Variants in SSH1 observed in about 807,000 individuals in gnomAD.
SSH1 encodes the protein slingshot protein phosphatase 1, also known as protein phosphatase Slingshot homolog 1.
Under a neutral mutation model 79.7 loss-of-function variants are expected in SSH1, and 43 were observed. The ratio of observed to expected loss-of-function variants is 0.54; its 90% CI spans 0.42 to 0.70. The LOEUF is 0.70. Among genes scored for constraint, SSH1 ranks in the 30% least tolerant of loss-of-function variants. The pLI is 0.00. For missense variants in SSH1, 1,206 were observed against 1,358.8 expected, an observed-to-expected ratio of 0.89 and a Z score of 1.77; for synonymous variants, 599 against 538.3, an observed-to-expected ratio of 1.11 and a Z score of -1.56.
At chr12:108,856,019 C>T (rs148187055) in intron 1 of SSH1, among the ~76,000 whole-genome samples, 34 of 152,342 alleles carry the variant, frequency 2.2e-4, no homozygotes, top group African/African-American at 7.7e-4. Context: ...ACACACAAAC[C>T]TCCCCCGTGT....
chr12:108,795,796 G>A (rs538733016), intron 13 of SSH1, among the ~76,000 whole-genome samples: 211 of 152,212 alleles, frequency 1.4e-3, no homozygotes, highest in Non-Finnish European at 2.2e-3. Context: ...GGAGGTTGAG[G>A]TGTCATGATC....
chr12:108,788,861 A>G lies in SSH1; in HGVS notation c.2277T>C (p.Asn759=). The change falls in exon 15 of 15, where the codon AAT becomes AAC. Residue 759 remains asparagine, a synonymous_variant. Transcript: ENST00000326495. ...KVLPKSLLLK[N]SHCDKNPPST... ...TGGGAGGGTTCTTATCACAGTGAGA[A>G]TTCTTCAAAAGGAGGGACTTTGGCA... The G allele has an allele frequency of 6.2e-7, 1 of 1,614,222 alleles. No individual in the cohort carries two copies. The highest frequency in any genetic ancestry group is 8.5e-7 in the Non-Finnish European group (1 of 1,180,040).
Position 108,803,800 on chromosome 12 carries a change from T to C in SSH1, c.954+1256A>G, listed in dbSNP as rs575844020. 5.3e-5 allele frequency among the ~76,000 whole-genome samples: 8 copies of C among 152,266 alleles called. No individual in the cohort carries two copies. The East Asian group carries it at 1.2e-3, about 22-fold the overall frequency. ...GCCCAGGACTGCCCACACTTTCAAA[T>C]CCACACATGTACATACATTTTAATC... On this transcript the variant is annotated intron_variant, in intron 10 of 14. Coordinates refer to ENST00000326495, the MANE Select transcript of SSH1 (RefSeq NM_018984.4).
In SSH1 at chr12:108,788,820, A is replaced by T. The variant is rs1291404188; in HGVS notation, c.2318T>A (p.Ile773Lys). Residue 773 changes from isoleucine to lysine, a missense_variant, in exon 15 of 15, where the codon ATA becomes AAA. Ile to Lys is a moderately radical substitution (Grantham distance 102). Coordinates refer to ENST00000326495, the MANE Select transcript of SSH1 (RefSeq NM_018984.4). ...DKNPPSTEVV[I>K]KEESSPKKDM... ...TTTCTTGGGTGACGATTCTTCCTTT[A>T]TTACCACTTCTGTGCTGGGAGGGTT... 1 of 1,614,050 alleles carries T rather than the reference A, an allele frequency of 6.2e-7. No homozygotes were observed. The highest frequency in any genetic ancestry group is 1.3e-5 in the African/African-American group (1 of 74,898).
At chr12:108,856,560 G>A (rs566238266) in intron 1 of SSH1, among the ~76,000 whole-genome samples, 2 of 152,198 alleles carry the variant, frequency 1.3e-5, no homozygotes, top group Non-Finnish European at 1.5e-5. Context: ...GCCAGACTAA[G>A]GCTGCACGCA....
At chr12:108,802,427 A>T in intron 10 of SSH1, 59 bp from the exon 11 acceptor site, 1 of 1,538,060 alleles carries the variant, frequency 6.5e-7, no homozygotes, top group Non-Finnish European at 9.0e-7. Flanking sequence ...AGAGCTGCTC[A>T]GGGGATGCAT....
Position 108,852,698 on chromosome 12 carries a change from A to C in SSH1, c.70-20T>G, listed in dbSNP as rs997732833. The C allele has an allele frequency of 6.2e-7, 1 of 1,613,964 alleles. No homozygotes were observed. The highest frequency in any genetic ancestry group is 8.5e-7 in the Non-Finnish European group (1 of 1,180,030). ...CTCCAACTACAGAGAAAGAAAGAGAATATCACACCACAGGCACCACTGTCA... is the reference window on the plus strand; with the variant it reads ...CTCCAACTACAGAGAAAGAAAGAGACTATCACACCACAGGCACCACTGTCA... On this transcript the variant is annotated intron_variant, in intron 1 of 14. Transcript: ENST00000326495.
chr12:108,810,944 G>A (rs970467044), intron 6 of SSH1, among the ~76,000 whole-genome samples: 9 of 152,246 alleles, frequency 5.9e-5, no homozygotes, highest in African/African-American at 1.9e-4. Context: ...CCCATGGAGG[G>A]CATGCGGTGA....
intron 2 of SSH1, among the ~76,000 whole-genome samples, chr12:108,839,999 T>A (rs1445690971): frequency 6.6e-6 from 1 of 152,188 alleles, no homozygotes; most frequent in African/African-American, 2.4e-5. Flanking sequence ...GCAAGTGAGC[T>A]AAGTGGCAAG....
chr12:108,847,762 A>G (rs1007585475), intron 2 of SSH1, among the ~76,000 whole-genome samples: 4 of 152,164 alleles, frequency 2.6e-5, no homozygotes, highest in African/African-American at 9.7e-5. Context: ...CCAGCCATTT[A>G]AACTGTTTAA....
In SSH1 at chr12:108,788,574, A is replaced by T; in HGVS notation, c.2564T>A (p.Ile855Asn). 1 of 1,599,804 alleles carries T rather than the reference A, an allele frequency of 6.3e-7. No individual in the cohort carries two copies. Among genetic ancestry groups the T allele is most frequent in the East Asian group, 2.2e-5 (1 of 44,610 alleles). The change falls in exon 15 of 15, where the codon ATC (isoleucine) becomes AAC (asparagine). Residue 855 changes from isoleucine to asparagine, a missense_variant. By Grantham distance (149) the Ile-to-Asn change is moderately radical (BLOSUM62 -3). Around this residue, in one of 5 missense-constraint regions of SSH1, gnomAD observed 709 missense variants for 730.6 expected, o/e 0.97. Coordinates refer to ENST00000326495, the MANE Select transcript of SSH1 (RefSeq NM_018984.4). ...GGCTGGATCCTGGCTCTCCTCGGGG[A>T]TGCTGGCCTCCAGCCTGCTGGCAGG... Reference protein sequence around the residue: ...DGPASRLEASIPEESQDPAAL... With the variant: ...DGPASRLEASNPEESQDPAAL...
In SSH1 at chr12:108,788,041, CTGA is replaced by C. The variant is rs746820978; in HGVS notation, c.3094_3096del (p.Ser1032del). On this transcript the variant is annotated inframe_deletion, in exon 15 of 15. Transcript: ENST00000326495. ...TTTAAGTTTTCTGGGGCGGGTTTCC[CTGA>C]TGGTTTGGAGGTTGCAGCTGGGTCC... is the stretch of plus-strand genomic sequence containing the variant. 5.0e-6 allele frequency: 8 copies of C among 1,614,052 alleles called. No homozygotes were observed. Among genetic ancestry groups the C allele is most frequent in the Non-Finnish European group, 6.8e-6 (8 of 1,180,018 alleles).
intron 13 of SSH1, among the ~76,000 whole-genome samples, chr12:108,793,837 A>G (rs1169849181): frequency 6.6e-6 from 1 of 152,250 alleles, no homozygotes; most frequent in Non-Finnish European, 1.5e-5. Context: ...ATGTAAGAGC[A>G]CAGTGTGACA....
intron 2 of SSH1, among the ~76,000 whole-genome samples, chr12:108,823,851 A>G (rs1166303468): frequency 1.3e-5 from 2 of 152,200 alleles, no homozygotes; most frequent in Non-Finnish European, 2.9e-5. Context: ...TATTATTAGT[A>G]GAGACATGGT....
At chr12:108,826,146 A>G (rs1378262312) in intron 2 of SSH1, 1 of 455,410 alleles carries the variant, frequency 2.2e-6, no homozygotes, top group East Asian at 6.9e-5. Flanking sequence ...ATTAACGATG[A>G]CCTTTGCCTT....
At chr12:108,826,362 T>C in intron 2 of SSH1, 1 of 329,084 alleles carries the variant, frequency 3.0e-6, no homozygotes, top group Non-Finnish European at 5.9e-6. Flanking sequence ...CCTGGAACAC[T>C]CTGCCTCTGT....
At chr12:108,813,944 C>A (rs2037758954) in intron 5 of SSH1, among the ~76,000 whole-genome samples, 1 of 151,924 alleles carries the variant, frequency 6.6e-6, no homozygotes, top group Non-Finnish European at 1.5e-5. Flanking sequence ...CTGAGTGAGG[C>A]CGGGTACAGT....
At chr12:108,791,918 CTG>C in intron 14 of SSH1, 1 of 1,308,146 alleles carries the variant, frequency 7.6e-7, no homozygotes, top group Non-Finnish European at 9.7e-7. Context: ...TCGATAAAGG[CTG>C]AAGTTGGCTG....
chr12:108,792,705 G>C lies in SSH1; in HGVS notation c.1474C>G (p.Leu492Val). ...ETPDGTPESQ[L>V]PFLDDAAQPG... is the part of the protein sequence containing the mutation. ...TGGGCGGCATCATCCAAGAAGGGCA[G>C]CTGGCTTTCCGGGGTGCCATCTGGG... The change falls in exon 14 of 15, where the codon CTG (leucine) becomes GTG (valine). Residue 492 changes from leucine to valine, a missense_variant. This residue lies in a region of SSH1 where 709 missense variants were observed against 730.6 expected (regional missense o/e 0.97). Transcript: ENST00000326495. The C allele has an allele frequency of 6.2e-7, 1 of 1,613,392 alleles. No homozygotes were observed. Among genetic ancestry groups the C allele is most frequent in the Non-Finnish European group, 8.5e-7 (1 of 1,180,040 alleles).
Sources: gnomAD v4.1 joint callset for allele counts (sites outside exome capture counted in the v4.1 genomes callset) on GRCh38, gnomAD v4.1.1 for gene constraint, gnomAD v4.1.1 regional missense constraint, MANE v1.5 for transcripts, NCBI Gene and HGNC (gene_info 2026-07-23, HGNC 2026-07-21) for gene names.